The following SBNO2 variants were observed in gnomAD, a reference collection of about 807,000 sequenced individuals.
SBNO2 encodes protein strawberry notch homolog 2.
Under a neutral mutation model 146.3 loss-of-function variants are expected in SBNO2, and 89 were observed. That is an observed-to-expected ratio of 0.61 (90% confidence interval 0.51 to 0.73). The LOEUF is 0.73. Ranked by LOEUF, SBNO2 falls within the 30% of genes least tolerant of loss-of-function variation. SBNO2 has a pLI of 0.00. For synonymous variants in SBNO2, 1,147 were observed against 892.6 expected (o/e 1.29, Z -5.08); for missense variants, 2,092 against 2,003.7 (o/e 1.04, Z -0.84).
chr19:1,164,387 CAGGAGG>C (rs1163081216), intron 1 of SBNO2, among the ~76,000 whole-genome samples: 574 of 55,920 alleles, frequency 0.01, 6 homozygotes, highest in African/African-American at 0.029. Flanking sequence ...GCAGTGGAGA[CAGGAGG>C]AGGAGGAGGA....
In SBNO2 at chr19:1,157,408, G is replaced by GGCCCCGAAGACGCTCTCCCCACCCA. The variant is rs1555727472; in HGVS notation, c.-126-3007_-126-3006insTGGGTGGGGAGAGCGTCTTCGGGGC. 6.8e-6 allele frequency among the ~76,000 whole-genome samples: 1 copy of GGCCCCGAAGACGCTCTCCCCACCCA among 147,166 alleles called. No individual in the cohort carries two copies. The highest frequency in any genetic ancestry group is 1.5e-5 in the Non-Finnish European group (1 of 65,740). ...AGCCCCGGAGACGCTCTCCCCACGC[G>GGCCCCGAAGACGCTCTCCCCACCCA]GCCCCGGAGACCCTCTCCCCACGCG... On this transcript the variant is annotated intron_variant, in intron 1 of 31. Transcript: ENST00000361757. The surrounding 1 kb of genome is among the most constrained non-coding windows in gnomAD (Gnocchi z 6.8).
chr19:1,147,065 G>A lies in SBNO2; in HGVS notation c.279+244C>T, dbSNP rs1006436381. On this transcript the variant is annotated intron_variant, in intron 4 of 31. Transcript: ENST00000361757. Reference sequence around the variant, plus strand: ...CCTCTGTGGCATTGCCCAGATGCTCGCAGGGACCCCAAGGGCTGGGCGGGG... The same window carrying A: ...CCTCTGTGGCATTGCCCAGATGCTCACAGGGACCCCAAGGGCTGGGCGGGG... 2.0e-5 allele frequency among the ~76,000 whole-genome samples: 3 copies of A among 152,020 alleles called. No homozygotes were observed. Among genetic ancestry groups the A allele is most frequent in the Non-Finnish European group, 4.4e-5 (3 of 67,968 alleles).
intron 14 of SBNO2, among the ~76,000 whole-genome samples, chr19:1,117,753 G>A (rs930844141): frequency 6.6e-6 from 1 of 152,250 alleles, no homozygotes; most frequent in Non-Finnish European, 1.5e-5. Flanking sequence ...CGGCAAACAG[G>A]CTCAGCTCCT....
intron 5 of SBNO2, among the ~76,000 whole-genome samples, chr19:1,124,940 G>C (rs1398028295): frequency 1.3e-5 from 2 of 152,156 alleles, no homozygotes; most frequent in Non-Finnish European, 2.9e-5. Flanking sequence ...CACTGAGACA[G>C]TGTGGACCCC....
At position 1,158,426 on chromosome 19, in the gene SBNO2, T is replaced by C. The variant is rs887486959; in HGVS notation, c.-126-4024A>G. The stretch of plus-strand genomic sequence containing the variant: ...AGACTCAGCAGCTCAGGCCACGCTG[T>C]GCCCACGTTCGCGACGGCAAAGCGG... On this transcript the variant is annotated intron_variant, in intron 1 of 31. Coordinates refer to ENST00000361757, the MANE Select transcript of SBNO2 (RefSeq NM_014963.3). This position sits in a 1 kb window ranked among gnomAD's most constrained non-coding sequence, Gnocchi z 9.9. Among the ~76,000 whole-genome samples the C allele has an allele frequency of 6.6e-6, 1 of 152,112 alleles. No individual in the cohort carries two copies. Among genetic ancestry groups the C allele is most frequent in the Non-Finnish European group, 1.5e-5 (1 of 68,026 alleles).
intron 24 of SBNO2, 86 bp downstream of exon 24, chr19:1,111,420 A>C (rs2079758484): frequency 1.0e-6 from 1 of 962,480 alleles, no homozygotes; most frequent in Admixed American, 2.1e-5. Flanking sequence ...CAACCGGCCT[A>C]CAAAGCCTGC....
chr19:1,154,367 G>A lies in SBNO2; in HGVS notation c.-91C>T, dbSNP rs746217355. ...GCCGGGGCGTCTATCTGGGCTTCTC[G>A]CTCCGTGGTGGCGGCGGTGGCGGCA... On this transcript the variant is annotated 5_prime_UTR_variant, in exon 2 of 32. Transcript: ENST00000361757. 167 of 621,326 alleles carry A rather than the reference G, an allele frequency of 2.7e-4. No homozygotes were observed. The highest frequency in any genetic ancestry group is 3.4e-4 in the Non-Finnish European group (145 of 430,506). The allele number at this position is 621,326 out of a possible 1,614,324, so 38.5% of individuals were successfully genotyped here.
chr19:1,172,523 T>A (rs1186497537), intron 1 of SBNO2, among the ~76,000 whole-genome samples: 3 of 151,938 alleles, frequency 2.0e-5, no homozygotes, highest in Non-Finnish European at 4.4e-5. Flanking sequence ...TCCCCGCTGC[T>A]CCTCTTCCAG....
At chr19:1,127,356 C>G (rs1482122308) in intron 5 of SBNO2, among the ~76,000 whole-genome samples, 1 of 152,224 alleles carries the variant, frequency 6.6e-6, no homozygotes, top group African/African-American at 2.4e-5. Context: ...CCCCCCAACT[C>G]CATGCCAGGA....
In SBNO2 at chr19:1,112,723, C is replaced by T. The variant is rs1043196205; in HGVS notation, c.2379+95G>A. 2.0e-6 allele frequency: 3 copies of T among 1,472,260 alleles called. No homozygotes were observed. Among genetic ancestry groups the T allele is most frequent in the African/African-American group, 2.8e-5 (2 of 71,362 alleles). 91.2% of individuals were successfully genotyped at this position (1,472,260 alleles called of 1,614,324 possible). Reference sequence around the variant, plus strand: ...GCCCGCACCTGGCACACACACACTCCAGAAGTGCGCGGGTCCACAGTCCCC... The same window carrying T: ...GCCCGCACCTGGCACACACACACTCTAGAAGTGCGCGGGTCCACAGTCCCC... On this transcript the variant is annotated intron_variant, in intron 20 of 31. Coordinates refer to ENST00000361757, the MANE Select transcript of SBNO2 (RefSeq NM_014963.3). This position sits in a 1 kb window ranked among gnomAD's most constrained non-coding sequence, Gnocchi z 5.9.
chr19:1,146,204 G>A (rs2080188102), intron 4 of SBNO2, among the ~76,000 whole-genome samples: 1 of 152,162 alleles, frequency 6.6e-6, no homozygotes. Flanking sequence ...TACTTTCCAG[G>A]AAGGTCCCCT....
chr19:1,109,191 CT>C lies in SBNO2; in HGVS notation c.3368del (p.Lys1123ArgfsTer12). ...AAGCGTAGCCACTCTCCCAGGGCTC[CT>C]TGGCCTCCTCCGCGGTGACCTAGGG... ...KFHRVTAEEA[K>X]EPWESGYALS... On this transcript the variant is annotated frameshift_variant, in exon 30 of 32. Coordinates refer to ENST00000361757, the MANE Select transcript of SBNO2 (RefSeq NM_014963.3). LOFTEE classifies it high-confidence loss of function. This position sits in a 1 kb window ranked among gnomAD's most constrained non-coding sequence, Gnocchi z 4.2. 6.4e-7 allele frequency: 1 copy of C among 1,563,724 alleles called. No homozygotes were observed. Among genetic ancestry groups the C allele is most frequent in the Non-Finnish European group, 8.7e-7 (1 of 1,155,146 alleles).
rs1007643454 is a variant in SBNO2 at position 1,158,534 on chromosome 19, C to T, written c.-126-4132G>A. ...GCGCACGGCACACCCCAGAGCGCTCCGCCCAGGCCCGGGTTCTGGTCTCCT... is the reference window on the plus strand; with the variant it reads ...GCGCACGGCACACCCCAGAGCGCTCTGCCCAGGCCCGGGTTCTGGTCTCCT... On this transcript the variant is annotated intron_variant, in intron 1 of 31. Coordinates refer to ENST00000361757, the MANE Select transcript of SBNO2 (RefSeq NM_014963.3). The surrounding 1 kb of genome is among the most constrained non-coding windows in gnomAD (Gnocchi z 9.9). Among the ~76,000 whole-genome samples the T allele has an allele frequency of 2.6e-5, 4 of 152,192 alleles. No individual in the cohort carries two copies. The highest frequency in any genetic ancestry group is 1.9e-4 in the East Asian group (1 of 5,196).
At chr19:1,149,213 C>T (rs112483608) in intron 3 of SBNO2, among the ~76,000 whole-genome samples, 156 bp downstream of exon 3, 3 of 150,586 alleles carry the variant, frequency 2.0e-5, no homozygotes, top group East Asian at 2.0e-4. Flanking sequence ...GGACCTGGCC[C>T]GTGGGGTGGA....
At chr19:1,125,725 C>T (rs575292183) in intron 5 of SBNO2, among the ~76,000 whole-genome samples, 3 of 151,550 alleles carry the variant, frequency 2.0e-5, no homozygotes, top group Admixed American at 6.6e-5. Context: ...AGAATCCCGC[C>T]GGGTGCGTGG....
intron 14 of SBNO2, among the ~76,000 whole-genome samples, chr19:1,118,655 G>A (rs574307536): frequency 1.3e-5 from 2 of 152,284 alleles, no homozygotes; most frequent in East Asian, 1.9e-4. Flanking sequence ...GATCACTTGC[G>A]GTCAGGAGTT....
Position 1,114,431 on chromosome 19 carries a change from A to G in SBNO2, c.1886-9T>C, listed in dbSNP as rs1217930719. The G allele has an allele frequency of 6.6e-7, 1 of 1,516,690 alleles. No individual in the cohort carries two copies. Among genetic ancestry groups the G allele is most frequent in the East Asian group, 2.5e-5 (1 of 40,404 alleles). The allele number at this position is 1,516,690 out of a possible 1,614,324, so 94.0% of individuals were successfully genotyped here. ...GCGTCCCCGAGGTCGCCCTGCAGGG[A>G]AGGACAGGGTCACCGAGGGCCAGAC... On this transcript the variant is annotated splice_polypyrimidine_tract_variant and intron_variant, in intron 17 of 31. Coordinates refer to ENST00000361757, the MANE Select transcript of SBNO2 (RefSeq NM_014963.3).
intron 23 of SBNO2, 59 bp downstream of exon 23, chr19:1,111,937 C>G: frequency 6.9e-7 from 1 of 1,449,712 alleles, no homozygotes; most frequent in Non-Finnish European, 9.4e-7. Flanking sequence ...CTCTTAGATC[C>G]GGCCCTCCCT....
intron 12 of SBNO2, 27 bp downstream of exon 12, chr19:1,119,879 G>T (rs1481464408): frequency 2.7e-6 from 4 of 1,496,036 alleles, no homozygotes; most frequent in Non-Finnish European, 3.6e-6. Flanking sequence ...GCTGCGGGTG[G>T]GTCACGTGGG....
Sources: allele counts gnomAD v4.1 joint callset (sites outside exome capture counted in the v4.1 genomes callset), GRCh38; gene constraint gnomAD v4.1.1; non-coding constraint Gnocchi (gnomAD v3.1); transcripts MANE v1.5; gene names NCBI Gene and HGNC (gene_info 2026-07-23, HGNC 2026-07-21).